Variants in SHANK1 observed in about 807,000 individuals in gnomAD.
The protein encoded by SHANK1 is SH3 and multiple ankyrin repeat domains 1, also known as SH3 and multiple ankyrin repeat domains protein 1.
SHANK1 carries 35 observed loss-of-function variants against 165.6 expected under a neutral mutation model. That is an observed-to-expected ratio of 0.21 (90% CI 0.16 to 0.28). The LOEUF (loss-of-function observed/expected upper bound fraction) is 0.28, where lower values mean the gene tolerates loss of function less well. Ranked by LOEUF, SHANK1 falls within the 10% of genes least tolerant of loss-of-function variation. The pLI, the probability that SHANK1 is intolerant of heterozygous loss-of-function variation, is 1.00. For missense variants in SHANK1, 2,681 were observed against 3,036.4 expected, an observed-to-expected ratio of 0.88 and a Z score of 2.75; for synonymous variants, 1,428 against 1,384.8, an observed-to-expected ratio of 1.03 and a Z score of -0.69.
intron 7 of SHANK1, 29 bp downstream of exon 7, chr19:50,711,918 C>T (rs759330098): frequency 1.9e-5 from 30 of 1,613,404 alleles, no homozygotes; most frequent in East Asian, 2.2e-5. Flanking sequence ...TCCCCCACCC[C>T]AGCCCTTCAT....
chr19:50,712,937 C>G (rs2089024726), intron 6 of SHANK1, among the ~76,000 whole-genome samples: 1 of 152,116 alleles, frequency 6.6e-6, no homozygotes, highest in Non-Finnish European at 1.5e-5. Flanking sequence ...TAGCGCAGGT[C>G]TGGAGGCTGG....
chr19:50,692,171 C>T (rs563489647), intron 15 of SHANK1, among the ~76,000 whole-genome samples: 20 of 152,208 alleles, frequency 1.3e-4, no homozygotes, highest in African/African-American at 4.6e-4. Flanking sequence ...CGGAATCCAC[C>T]CTGAGCTCGG....
intron 12 of SHANK1, among the ~76,000 whole-genome samples, chr19:50,700,221 T>TGG (rs1986873779): frequency 7.1e-6 from 1 of 140,098 alleles, no homozygotes; most frequent in Non-Finnish European, 1.5e-5. Context: ...ATTGGAGGAT[T>TGG]AGAGGGTTTG....
Position 50,686,250 on chromosome 19 carries a change from A to G in SHANK1, c.2564T>C (p.Phe855Ser). 1 of 1,598,012 alleles carries G rather than the reference A, an allele frequency of 6.3e-7. No individual in the cohort carries two copies. Among genetic ancestry groups the G allele is most frequent in the Non-Finnish European group, 8.5e-7 (1 of 1,171,380 alleles). ...CAGGCCGCCTACCTCAGTGGCAAAGAAACCTTTGGGTCGGTGTTTGCCCAG... is the reference window on the plus strand; with the variant it reads ...CAGGCCGCCTACCTCAGTGGCAAAGGAACCTTTGGGTCGGTGTTTGCCCAG... ...ASLGKHRPKG[F>S]FATESSFDPH... The change falls in exon 21 of 24, where the codon TTC (phenylalanine) becomes TCC (serine). Residue 855 changes from phenylalanine (F) to serine (S), a missense_variant. By Grantham distance (155) the Phe-to-Ser change is radical (BLOSUM62 -2). Around this residue, in one of 10 missense-constraint regions of SHANK1, gnomAD observed 206 missense variants for 216.0 expected, o/e 0.95. Coordinates refer to ENST00000293441, the MANE Select transcript of SHANK1 (RefSeq NM_016148.5). The surrounding 1 kb of genome is among the most constrained non-coding windows in gnomAD (Gnocchi z 5.7).
chr19:50,703,626 G>T lies in SHANK1; in HGVS notation c.1427C>A (p.Ala476Asp). ...CCCGCTGCTGAGCTTGGTGGTGGGG[G>T]CCGAGGGCTGCGACTGGCCCTGGGA... Reference protein sequence around the residue: ...SGSQGQSQPSAPTTKLSSGTL... With the variant: ...SGSQGQSQPSDPTTKLSSGTL... Residue 476 changes from alanine (A) to aspartate (D), a missense_variant, in exon 11 of 24, where the codon GCC (alanine) becomes GAC (aspartate). Physicochemically the swap from Ala to Asp is moderately radical, Grantham distance 126. This residue lies in a region of SHANK1 where 195 missense variants were observed against 186.2 expected (regional missense o/e 1.05). Transcript: ENST00000293441. 6.5e-7 allele frequency: 1 copy of T among 1,549,210 alleles called. No individual in the cohort carries two copies. Among genetic ancestry groups the T allele is most frequent in the Non-Finnish European group, 8.7e-7 (1 of 1,149,388 alleles).
chr19:50,714,844 CT>C (rs939867729), intron 4 of SHANK1, among the ~76,000 whole-genome samples: 72 of 151,986 alleles, frequency 4.7e-4, no homozygotes, highest in Admixed American at 6.6e-4. Context: ...GGTTATTTAA[CT>C]TTTTTTTGGT....
rs760549131 is a variant in SHANK1 at position 50,667,368 on chromosome 19, G to A, written c.4592C>T (p.Pro1531Leu). ...CTCTTCGCTGGCCCTCGGGGAGGTC[G>A]GGGAGGGGGGCACGGACCGGCGTGG... ...PSPRRSVPPSPTSPRASEENG... is the reference protein window; with the variant it reads ...PSPRRSVPPSLTSPRASEENG... Residue 1531 changes from proline to leucine, a missense_variant, in exon 23 of 24, where the codon CCG becomes CTG. Coordinates refer to ENST00000293441, the MANE Select transcript of SHANK1 (RefSeq NM_016148.5). This position sits in a 1 kb window ranked among gnomAD's most constrained non-coding sequence, Gnocchi z 5.7. 38 of 1,536,886 alleles carry A rather than the reference G, an allele frequency of 2.5e-5. No individual in the cohort carries two copies. Among genetic ancestry groups the A allele is most frequent in the Non-Finnish European group, 3.3e-5 (38 of 1,145,894 alleles).
rs937621127 is a variant in SHANK1 at position 50,702,728 on chromosome 19, T to C, written c.1554-68A>G. On this transcript the variant is annotated intron_variant, in intron 11 of 23. Coordinates refer to ENST00000293441, the MANE Select transcript of SHANK1 (RefSeq NM_016148.5). The surrounding 1 kb of genome is among the most constrained non-coding windows in gnomAD (Gnocchi z 5.3). The stretch of plus-strand genomic sequence containing the variant: ...GGGGACACCTCTGGGAGGACAGGGG[T>C]CCTTGGGTGGGGGAAGAGGACGGTG... The C allele has an allele frequency of 1.1e-6, 1 of 916,178 alleles. No homozygotes were observed. 56.8% of individuals were successfully genotyped at this position (916,178 alleles called of 1,614,324 possible).
intron 21 of SHANK1, among the ~76,000 whole-genome samples, chr19:50,680,805 G>A (rs67382603): frequency 0.34 from 52,092 of 151,954 alleles, 11,032 homozygotes; most frequent in Admixed American, 0.49. Flanking sequence ...ACAGGCGTGC[G>A]CCACCACACC....
intron 15 of SHANK1, among the ~76,000 whole-genome samples, chr19:50,693,341 C>A (rs917907315): frequency 6.7e-6 from 1 of 149,294 alleles, no homozygotes; most frequent in Non-Finnish European, 1.5e-5. Context: ...CCATTCTCAA[C>A]CCTGCACCTC....
rs1214763122 is a variant in SHANK1 at position 50,668,847 on chromosome 19, C to T, written c.3113G>A (p.Arg1038His). The T allele has an allele frequency of 1.0e-4, 122 of 1,224,712 alleles. 1 individual carries two copies. The South Asian group carries it at 3.4e-3, about 34-fold the overall frequency. 75.9% of individuals were successfully genotyped at this position (1,224,712 alleles called of 1,614,324 possible). ...GCTGGGCTGGGGCCCCAGAGCCAGGCGGGGTGGAGGGTCGTCGGGAGAGCC... is the reference window on the plus strand; with the variant it reads ...GCTGGGCTGGGGCCCCAGAGCCAGGTGGGGTGGAGGGTCGTCGGGAGAGCC... ...TGGSPDDPPPRLALGPQPSLR... is the reference protein window; with the variant it reads ...TGGSPDDPPPHLALGPQPSLR... Residue 1038 changes from arginine to histidine, a missense_variant, in exon 23 of 24, where the codon CGC becomes CAC. This residue lies in a region of SHANK1 where 1,713 missense variants were observed against 1,630.2 expected (regional missense o/e 1.05). Transcript: ENST00000293441.
Position 50,716,218 on chromosome 19 carries a change from C to G in SHANK1, c.459+57G>C. 6.6e-7 allele frequency: 1 copy of G among 1,520,208 alleles called. No homozygotes were observed. The highest frequency in any genetic ancestry group is 9.1e-7 in the Non-Finnish European group (1 of 1,097,822). 94.2% of individuals were successfully genotyped at this position (1,520,208 alleles called of 1,614,324 possible). On this transcript the variant is annotated intron_variant, in intron 3 of 23. Transcript: ENST00000293441. The surrounding 1 kb of genome is among the most constrained non-coding windows in gnomAD (Gnocchi z 8.4). ...AGTGTGTTAAAAAGTGGGTGGGGGG[C>G]AGATGTGTTTTAGGGCATGCCTTCT...
intron 9 of SHANK1, 55 bp downstream of exon 9, chr19:50,704,382 C>G: frequency 1.3e-6 from 2 of 1,500,544 alleles, no homozygotes; most frequent in Non-Finnish European, 1.9e-6. Flanking sequence ...CTGGGTGTCA[C>G]TGTCACCCTT....
At chr19:50,715,510 C>G (rs1367791338) in intron 4 of SHANK1, 149 bp downstream of exon 4, 1 of 708,462 alleles carries the variant, frequency 1.4e-6, no homozygotes, top group Non-Finnish European at 2.6e-6. Context: ...GGTACAGCAT[C>G]CCAAGTTAAG....
intron 22 of SHANK1, 113 bp from the exon 23 acceptor site, chr19:50,669,398 C>T (rs1402717773): frequency 5.6e-6 from 4 of 709,166 alleles, no homozygotes; most frequent in Non-Finnish European, 9.6e-6. Flanking sequence ...CCCGTATATG[C>T]CAGGAACTTC....
At chr19:50,705,606 G>A (rs964459538) in intron 8 of SHANK1, among the ~76,000 whole-genome samples, 1 of 151,900 alleles carries the variant, frequency 6.6e-6, no homozygotes, top group Non-Finnish European at 1.5e-5. Context: ...TAGCATCCCC[G>A]GTCTCTACCA....
At chr19:50,672,822 A>G (rs1160829503) in intron 21 of SHANK1, among the ~76,000 whole-genome samples, 2 of 152,100 alleles carry the variant, frequency 1.3e-5, no homozygotes, top group Non-Finnish European at 2.9e-5. Context: ...CAAGAGTCAG[A>G]GGCATCTTTC....
In SHANK1 at chr19:50,686,838, C is replaced by T. The variant is rs1986355971; in HGVS notation, c.2390-26G>A. The T allele has an allele frequency of 6.8e-6, 11 of 1,612,642 alleles. No homozygotes were observed. Among genetic ancestry groups the T allele is most frequent in the Middle Eastern group, 1.7e-4 (1 of 6,054 alleles). On this transcript the variant is annotated intron_variant, in intron 19 of 23. Transcript: ENST00000293441. The surrounding 1 kb of genome is among the most constrained non-coding windows in gnomAD (Gnocchi z 5.7). Reference sequence around the variant, plus strand: ...CTGTGGGCAAAGAACACGGATGACGCCCAGGGAGCCCCCGGGGGCGGGGCG... The same window carrying T: ...CTGTGGGCAAAGAACACGGATGACGTCCAGGGAGCCCCCGGGGGCGGGGCG...
rs549174854 is a variant in SHANK1, at chr19:50,687,241, T to C, written c.2389+341A>G. 4.0e-5 allele frequency among the ~76,000 whole-genome samples: 6 copies of C among 150,794 alleles called. No homozygotes were observed. In the East Asian group the frequency reaches 9.9e-4, roughly 25 times the overall value. On this transcript the variant is annotated intron_variant, in intron 19 of 23. Coordinates refer to ENST00000293441, the MANE Select transcript of SHANK1 (RefSeq NM_016148.5). ...GGGAGGGGCTCGCTTTCCTCTGTTA[T>C]TGGGGGTTGGGGGGAGCTGGTGGAG...
Sources: allele counts gnomAD v4.1 joint callset (sites outside exome capture counted in the v4.1 genomes callset), GRCh38; gene constraint gnomAD v4.1.1; regional missense constraint gnomAD v4.1.1; non-coding constraint Gnocchi (gnomAD v3.1); transcripts MANE v1.5; gene names NCBI Gene and HGNC (gene_info 2026-07-23, HGNC 2026-07-21).